ADAMTSL3: variants seen among roughly 807,000 people sequenced by gnomAD.
ADAMTSL3 encodes ADAMTS-like protein 3.
A neutral mutation model predicts 201.7 loss-of-function variants in ADAMTSL3; 128 were observed. The observed-to-expected ratio is 0.63, with a 90% CI of 0.55 to 0.73. The LOEUF (loss-of-function observed/expected upper bound fraction) is 0.73, where lower values mean the gene tolerates loss of function less well. Among genes scored for constraint, ADAMTSL3 ranks in the 30% least tolerant of loss-of-function variants. The probability of loss-of-function intolerance (pLI) is 0.00; values close to 1 mark genes in which losing one functional copy is unlikely to be tolerated. For missense variants in ADAMTSL3, 1,990 were observed against 2,119.6 expected (o/e 0.94, Z 1.20); for synonymous variants, 738 against 748.4 (o/e 0.99, Z 0.23).
chr15:83,688,450 T>C (rs531426664), intron 2 of ADAMTSL3, among the ~76,000 whole-genome samples: 2 of 152,098 alleles, frequency 1.3e-5, no homozygotes, highest in East Asian at 3.8e-4. Flanking sequence ...GTTACAAATA[T>C]GTTCAAAAAC....
chr15:83,779,866 A>G (rs1340961793), intron 4 of ADAMTSL3, among the ~76,000 whole-genome samples: 2 of 152,204 alleles, frequency 1.3e-5, no homozygotes, highest in Non-Finnish European at 2.9e-5. Flanking sequence ...GAAATCAAGA[A>G]GTTATTTGAA....
At chr15:83,907,299 C>T (rs190385738) in intron 15 of ADAMTSL3, among the ~76,000 whole-genome samples, 6 of 152,144 alleles carry the variant, frequency 3.9e-5, no homozygotes, top group South Asian at 2.1e-4. Context: ...TTTTTTAACA[C>T]ACTCAAACCT....
At chr15:83,747,714 G>T (rs747380622) in intron 3 of ADAMTSL3, among the ~76,000 whole-genome samples, 1 of 151,926 alleles carries the variant, frequency 6.6e-6, no homozygotes, top group Non-Finnish European at 1.5e-5. Context: ...TGTCTACTTC[G>T]TAAGAATGGC....
rs748231362 is a variant in ADAMTSL3 at position 84,025,434 on chromosome 15, C to T, written c.4654C>T (p.Arg1552Trp). 3.0e-5 allele frequency: 48 copies of T among 1,613,206 alleles called. No individual in the cohort carries two copies. In the East Asian group the frequency reaches 4.5e-4, roughly 15 times the overall value. Residue 1552 changes from arginine (R) to tryptophan (W), a missense_variant and splice_region_variant, in exon 27 of 30, where the codon CGG becomes TGG. By Grantham distance (101) the Arg-to-Trp change is moderately radical (BLOSUM62 -3). Transcript: ENST00000286744. ...HPCVQWEPGN[R>W]CPGRCMGRAV... ...ATGTGTTCAGTGGGAACCAGGGAAC[C>T]GGGTAAAGCTAACACATCTAGTTTG...
At chr15:83,844,554 C>T (rs1383228143) in intron 7 of ADAMTSL3, among the ~76,000 whole-genome samples, 2 of 152,178 alleles carry the variant, frequency 1.3e-5, no homozygotes, top group African/African-American at 2.4e-5. Context: ...TGGTCATACT[C>T]TTCTATCAGA....
chr15:83,715,736 G>A (rs1430251785), intron 3 of ADAMTSL3, among the ~76,000 whole-genome samples: 14 of 152,130 alleles, frequency 9.2e-5, no homozygotes, highest in African/African-American at 2.4e-5. Flanking sequence ...ACTGCTGACC[G>A]GTATTAAAGC....
At chr15:83,718,536 C>T (rs1426328682) in intron 3 of ADAMTSL3, among the ~76,000 whole-genome samples, 3 of 150,370 alleles carry the variant, frequency 2.0e-5, no homozygotes. Context: ...AAACCTCATT[C>T]CTACTAAAAA....
At chr15:84,026,048 A>G (rs753071226) in intron 27 of ADAMTSL3, among the ~76,000 whole-genome samples, 1 of 152,208 alleles carries the variant, frequency 6.6e-6, no homozygotes, top group East Asian at 1.9e-4. Flanking sequence ...CATGGGAGAT[A>G]ATATGACAAT....
chr15:83,822,301 G>T (rs1449689396), intron 6 of ADAMTSL3, among the ~76,000 whole-genome samples: 97 of 133,486 alleles, frequency 7.3e-4, no homozygotes, highest in African/African-American at 2.3e-3. Context: ...GGGCGGAGGG[G>T]CTCCTCACTT....
chr15:83,671,086 T>C (rs1479784874), intron 2 of ADAMTSL3, among the ~76,000 whole-genome samples: 1 of 152,264 alleles, frequency 6.6e-6, no homozygotes, highest in African/African-American at 2.4e-5. Context: ...GCAAATATTT[T>C]ATTGAAAATT....
chr15:83,895,093 C>T (rs1418372826), intron 13 of ADAMTSL3, among the ~76,000 whole-genome samples: 2 of 152,102 alleles, frequency 1.3e-5, no homozygotes, highest in Non-Finnish European at 2.9e-5. Context: ...AATCAATAGA[C>T]CGGGATGGAA....
At chr15:83,948,123 G>C (rs2066689631) in intron 19 of ADAMTSL3, among the ~76,000 whole-genome samples, 1 of 152,090 alleles carries the variant, frequency 6.6e-6, no homozygotes, top group Admixed American at 6.6e-5. Flanking sequence ...AACAACCCAA[G>C]ATATGTCCAG....
intron 2 of ADAMTSL3, among the ~76,000 whole-genome samples, chr15:83,659,875 A>G (rs1402334850): frequency 6.6e-6 from 1 of 152,208 alleles, no homozygotes; most frequent in Non-Finnish European, 1.5e-5. Context: ...GTTGGAAGAG[A>G]TAAGAAATGG....
rs1182891727 is a variant in ADAMTSL3, at chr15:83,897,850, C to G, written c.1468-8C>G. The G allele has an allele frequency of 6.3e-7, 1 of 1,580,278 alleles. No individual in the cohort carries two copies. Among genetic ancestry groups the G allele is most frequent in the East Asian group, 2.3e-5 (1 of 44,320 alleles). On this transcript the variant is annotated splice_region_variant and splice_polypyrimidine_tract_variant and intron_variant, in intron 13 of 29. Coordinates refer to ENST00000286744, the MANE Select transcript of ADAMTSL3 (RefSeq NM_207517.3). ...GAAATGCGTTGGCTTCTCTTTTCTT[C>G]TTTGAAGTGCACAGTGACTTGTGGC...
chr15:83,865,133 A>T (rs998894638), intron 8 of ADAMTSL3, among the ~76,000 whole-genome samples: 2 of 152,202 alleles, frequency 1.3e-5, no homozygotes, highest in African/African-American at 4.8e-5. Context: ...CAAGTGGAAG[A>T]ACATTCCATG....
chr15:83,819,353 A>AAT (rs1296911161), intron 5 of ADAMTSL3, among the ~76,000 whole-genome samples: 1 of 152,140 alleles, frequency 6.6e-6, no homozygotes, highest in African/African-American at 2.4e-5. Flanking sequence ...TTCACATTGA[A>AAT]ATGGCTCCTG....
intron 7 of ADAMTSL3, among the ~76,000 whole-genome samples, chr15:83,841,965 G>A (rs1363896861): frequency 5.3e-5 from 8 of 151,702 alleles, no homozygotes; most frequent in South Asian, 2.1e-4. Flanking sequence ...AAATTTGGCC[G>A]AGGGCGGACG....
chr15:83,837,726 C>CAGG lies in ADAMTSL3; in HGVS notation c.601-359_601-357dup, dbSNP rs540284064. On this transcript the variant is annotated intron_variant, in intron 6 of 29. Transcript: ENST00000286744. Reference sequence around the variant, plus strand: ...CTGAGGTGGGAGGATCACTTGAGCCCAGGAGGTTGAGGCTGCAGTGAGCCA... The same window carrying CAGG: ...CTGAGGTGGGAGGATCACTTGAGCCCAGGAGGAGGTTGAGGCTGCAGTGAGCCA... 1.1e-4 allele frequency among the ~76,000 whole-genome samples: 16 copies of CAGG among 150,482 alleles called. No individual in the cohort carries two copies. In the East Asian group the frequency reaches 2.0e-3, roughly 19 times the overall value.
At position 83,970,790 on chromosome 15, in the gene ADAMTSL3, C is replaced by T. The variant is rs78307485; in HGVS notation, c.2644+153C>T. ...TTGTTTTCGGCAGCGATCAGTAGAA[C>T]GTGGAAGACCAAGATATAGTTCTAA... On this transcript the variant is annotated intron_variant, in intron 20 of 29. Coordinates refer to ENST00000286744, the MANE Select transcript of ADAMTSL3 (RefSeq NM_207517.3). 8.5e-3 allele frequency among the ~76,000 whole-genome samples: 1,298 copies of T among 152,320 alleles called. 21 individuals carry two copies. The highest frequency in any genetic ancestry group is 0.029 in the African/African-American group (1,196 of 41,560).
Sources: gnomAD v4.1 joint callset for allele counts (sites outside exome capture counted in the v4.1 genomes callset) on GRCh38, gnomAD v4.1.1 for gene constraint, MANE v1.5 for transcripts, NCBI Gene and HGNC (gene_info 2026-07-23, HGNC 2026-07-21) for gene names.